Variants in ANKRD6 observed in about 807,000 individuals in gnomAD.
ANKRD6 encodes ankyrin repeat domain 6.
Under a neutral mutation model 82.3 loss-of-function variants are expected in ANKRD6, and 56 were observed. The observed-to-expected ratio is 0.68, with a 90% CI of 0.55 to 0.85. The LOEUF (loss-of-function observed/expected upper bound fraction) is 0.85. Among genes scored for constraint, ANKRD6 ranks in the 40% least tolerant of loss-of-function variants. The probability of loss-of-function intolerance (pLI) is 0.00; values close to 1 mark genes in which losing one functional copy is unlikely to be tolerated. For synonymous variants in ANKRD6, 347 were observed against 352.1 expected (o/e 0.99, Z 0.16); for missense variants, 852 against 907.6 (o/e 0.94, Z 0.79).
At chr6:89,575,536 C>T (rs1271534243) in intron 2 of ANKRD6, among the ~76,000 whole-genome samples, 2 of 152,130 alleles carry the variant, frequency 1.3e-5, no homozygotes, top group East Asian at 3.8e-4. Flanking sequence ...GCACCTGACA[C>T]ATTGTGGATA....
chr6:89,486,734 A>G lies in ANKRD6; in HGVS notation c.-144+53359A>G, dbSNP rs946354039. Among the ~76,000 whole-genome samples, 5 of 152,064 alleles carry G rather than the reference A, an allele frequency of 3.3e-5. No individual in the cohort carries two copies. The South Asian group carries it at 1.0e-3, about 32-fold the overall frequency. On this transcript the variant is annotated intron_variant, in intron 1 of 15. Coordinates refer to ENST00000339746, the MANE Select transcript of ANKRD6 (RefSeq NM_001242809.2). The stretch of plus-strand genomic sequence containing the variant: ...AGCGATCTCTTTCCTTGCCCTCCCA[A>G]AGTGCTAGAGGTGCGAGCCACCCTG...
intron 1 of ANKRD6, among the ~76,000 whole-genome samples, chr6:89,493,581 T>C (rs966648504): frequency 9.2e-5 from 14 of 152,100 alleles, no homozygotes; most frequent in Non-Finnish European, 1.9e-4. Context: ...AGCTAATTTT[T>C]AAATTTTTTT....
chr6:89,468,555 G>A (rs1268379068), intron 1 of ANKRD6, among the ~76,000 whole-genome samples: 2 of 138,374 alleles, frequency 1.4e-5, no homozygotes, highest in African/African-American at 5.4e-5. Context: ...AATTGTCTTG[G>A]GCCACACATA....
chr6:89,608,354 T>TACACACACACACACACACACACACACAC (rs540574068), intron 5 of ANKRD6, among the ~76,000 whole-genome samples: 4 of 137,466 alleles, frequency 2.9e-5, no homozygotes, highest in African/African-American at 1.1e-4. Context: ...CCCTCCCTAA[T>TACACACACACACACACACACACACACAC]ACACACACAC....
At chr6:89,489,067 G>A (rs901164442) in intron 1 of ANKRD6, among the ~76,000 whole-genome samples, 16 of 152,078 alleles carry the variant, frequency 1.1e-4, no homozygotes, top group African/African-American at 2.2e-4. Context: ...CTCATGCGTC[G>A]CACATTGCCT....
intron 2 of ANKRD6, among the ~76,000 whole-genome samples, chr6:89,570,569 C>T (rs1056997551): frequency 2.6e-5 from 4 of 152,184 alleles, no homozygotes; most frequent in Non-Finnish European, 5.9e-5. Context: ...TTCCTCCTCC[C>T]AGACCCTGGC....
chr6:89,569,628 G>A (rs1455123909), intron 2 of ANKRD6, among the ~76,000 whole-genome samples: 1 of 152,162 alleles, frequency 6.6e-6, no homozygotes, highest in Non-Finnish European at 1.5e-5. Flanking sequence ...GAATTGCTGG[G>A]TCGTATGGCA....
intron 1 of ANKRD6, among the ~76,000 whole-genome samples, chr6:89,465,067 T>C (rs1177328984): frequency 6.6e-6 from 1 of 152,156 alleles, no homozygotes; most frequent in Non-Finnish European, 1.5e-5. Context: ...AGATCCTCTT[T>C]CTTTAAGAAT....
At chr6:89,540,271 C>G (rs1784311652) in intron 1 of ANKRD6, among the ~76,000 whole-genome samples, 1 of 152,174 alleles carries the variant, frequency 6.6e-6, no homozygotes, top group Non-Finnish European at 1.5e-5. Context: ...GGGTTCACTT[C>G]TCTCCACATC....
intron 1 of ANKRD6, among the ~76,000 whole-genome samples, chr6:89,455,588 C>T (rs190647735): frequency 6.6e-6 from 1 of 152,202 alleles, no homozygotes; most frequent in East Asian, 1.9e-4. Flanking sequence ...GCAGAGTTCT[C>T]ATGAATGGTT....
intron 1 of ANKRD6, among the ~76,000 whole-genome samples, chr6:89,476,508 T>C (rs1309335417): frequency 6.6e-6 from 1 of 152,214 alleles, no homozygotes; most frequent in Non-Finnish European, 1.5e-5. Flanking sequence ...TCCACAAAAC[T>C]GTCTTATAAG....
chr6:89,542,455 T>C (rs564386590), intron 1 of ANKRD6, among the ~76,000 whole-genome samples: 18 of 152,322 alleles, frequency 1.2e-4, no homozygotes, highest in African/African-American at 3.8e-4. Context: ...TATTTACATC[T>C]ATGGGATACT....
Position 89,613,788 on chromosome 6 carries a change from G to A in ANKRD6, c.517-4G>A, listed in dbSNP as rs762453395. ...TGTGCTTAGAGTTTGATTTTTGTCC[G>A]CAGGCAGGAGACACCTGTTTGCACG... On this transcript the variant is annotated splice_polypyrimidine_tract_variant and splice_region_variant and intron_variant, in intron 6 of 15. Coordinates refer to ENST00000339746, the MANE Select transcript of ANKRD6 (RefSeq NM_001242809.2). 1.1e-5 allele frequency: 18 copies of A among 1,612,390 alleles called. No individual in the cohort carries two copies. The African/African-American group carries it at 1.3e-4, about 12-fold the overall frequency.
At chr6:89,627,745 C>T in intron 14 of ANKRD6, 49 bp downstream of exon 14, 2 of 1,560,044 alleles carry the variant, frequency 1.3e-6, no homozygotes, top group Non-Finnish European at 1.8e-6. Flanking sequence ...ACCACACAGG[C>T]CCACTGAGCT....
chr6:89,572,190 G>T (rs1424107999), intron 2 of ANKRD6, among the ~76,000 whole-genome samples: 1 of 152,176 alleles, frequency 6.6e-6, no homozygotes, highest in Non-Finnish European at 1.5e-5. Flanking sequence ...GGACATCTTG[G>T]TTGCTTCCCA....
At chr6:89,585,743 T>TA (rs1053502285) in intron 2 of ANKRD6, among the ~76,000 whole-genome samples, 10 of 152,110 alleles carry the variant, frequency 6.6e-5, no homozygotes, top group Admixed American at 2.0e-4. Flanking sequence ...ACCCTGTCTC[T>TA]AAAAAAATAC....
intron 1 of ANKRD6, among the ~76,000 whole-genome samples, chr6:89,437,671 C>T (rs1206571798): frequency 1.3e-5 from 2 of 152,114 alleles, no homozygotes; most frequent in Non-Finnish European, 1.5e-5. Flanking sequence ...GCATACAATA[C>T]GTCCTACCTT....
chr6:89,503,022 C>G (rs1355650348), intron 1 of ANKRD6, among the ~76,000 whole-genome samples: 2 of 152,178 alleles, frequency 1.3e-5, no homozygotes. Flanking sequence ...TCCAATGTCT[C>G]TTTCATCCTG....
In ANKRD6 at chr6:89,631,647, TAACA is replaced by T. The variant is rs1807422294; in HGVS notation, c.*644_*647del. 6.6e-6 allele frequency: 1 copy of T among 152,224 alleles called. No homozygotes were observed. The highest frequency in any genetic ancestry group is 6.5e-5 in the Admixed American group (1 of 15,276). The allele number at this position is 152,224 out of a possible 1,614,324, so 9.4% of individuals were successfully genotyped here. ...TTTATTTAAATAATGAATAATTGGCTAACAGCTCTGGAAACAATGAGATCAAATG... is the reference window on the plus strand; with the variant it reads ...TTTATTTAAATAATGAATAATTGGCTGCTCTGGAAACAATGAGATCAAATG... On this transcript the variant is annotated 3_prime_UTR_variant, in exon 16 of 16. Coordinates refer to ENST00000339746, the MANE Select transcript of ANKRD6 (RefSeq NM_001242809.2).
Sources: allele counts gnomAD v4.1 joint callset (sites outside exome capture counted in the v4.1 genomes callset), GRCh38; gene constraint gnomAD v4.1.1; transcripts MANE v1.5; gene names NCBI Gene and HGNC (gene_info 2026-07-23, HGNC 2026-07-21).